PAK5: variants seen among roughly 807,000 people sequenced by gnomAD.
PAK5 encodes p21 (RAC1) activated kinase 5.
Under a neutral mutation model 65.9 loss-of-function variants are expected in PAK5, and 16 were observed. The observed-to-expected ratio is 0.24, with a 90% CI of 0.16 to 0.37. The LOEUF (loss-of-function observed/expected upper bound fraction) is 0.37. Ranked by LOEUF, PAK5 falls within the 10% of genes least tolerant of loss-of-function variation. The pLI, the probability that PAK5 is intolerant of heterozygous loss-of-function variation, is 1.00. For synonymous variants in PAK5, 371 were observed against 354.9 expected, an observed-to-expected ratio of 1.05 and a Z score of -0.51; for missense variants, 785 against 903.9, an observed-to-expected ratio of 0.87 and a Z score of 1.69.
chr20:9,779,351 A>AGT (rs2048917676), intron 1 of PAK5, among the ~76,000 whole-genome samples: 1 of 103,436 alleles, frequency 9.7e-6, no homozygotes, highest in African/African-American at 4.2e-5. Flanking sequence ...ACATTTGTCT[A>AGT]ATATATATAT....
At chr20:9,676,203 G>A (rs6118697) in intron 2 of PAK5, among the ~76,000 whole-genome samples, 28,522 of 151,734 alleles carry the variant, frequency 0.19, 2,923 homozygotes, top group East Asian at 0.36. Context: ...AACAGCACGG[G>A]AAGGACCTGC....
At chr20:9,667,668 T>C (rs1386440890) in intron 2 of PAK5, among the ~76,000 whole-genome samples, 1 of 152,190 alleles carries the variant, frequency 6.6e-6, no homozygotes, top group Non-Finnish European at 1.5e-5. Flanking sequence ...CCTGACCCAC[T>C]GAATCATGAG....
chr20:9,618,156 A>G (rs958146644), intron 3 of PAK5, among the ~76,000 whole-genome samples: 1 of 152,194 alleles, frequency 6.6e-6, no homozygotes, highest in African/African-American at 2.4e-5. Context: ...TCCAAGGAAC[A>G]TACAGCGCTG....
At chr20:9,746,320 C>T (rs1355460956) in intron 1 of PAK5, among the ~76,000 whole-genome samples, 1 of 152,164 alleles carries the variant, frequency 6.6e-6, no homozygotes, top group Non-Finnish European at 1.5e-5. Flanking sequence ...TACATCCCTG[C>T]CCAGGCTTTC....
intron 2 of PAK5, among the ~76,000 whole-genome samples, chr20:9,656,374 G>A (rs1232807908): frequency 6.6e-6 from 1 of 152,094 alleles, no homozygotes; most frequent in Admixed American, 6.6e-5. Flanking sequence ...AGCAGCATGT[G>A]ACAGGAATGC....
intron 1 of PAK5, among the ~76,000 whole-genome samples, chr20:9,758,637 A>G (rs1448397339): frequency 1.3e-5 from 2 of 152,138 alleles, no homozygotes; most frequent in East Asian, 3.9e-4. Flanking sequence ...TGGCCATGGT[A>G]TTTAGATTTT....
intron 2 of PAK5, 147 bp from the exon 3 acceptor site, chr20:9,644,486 G>A (rs1600189702): frequency 8.2e-6 from 5 of 610,314 alleles, no homozygotes; most frequent in Admixed American, 3.3e-5. Context: ...GAGTTTTCAG[G>A]GTGTGTAAAT....
intron 1 of PAK5, among the ~76,000 whole-genome samples, chr20:9,755,270 G>T (rs530772894): frequency 6.6e-6 from 1 of 152,308 alleles, no homozygotes; most frequent in Non-Finnish European, 1.5e-5. Context: ...AAGTGCCATT[G>T]CTTCAAGTTA....
At chr20:9,810,504 A>C (rs2423475) in intron 1 of PAK5, among the ~76,000 whole-genome samples, 97,085 of 152,034 alleles carry the variant, frequency 0.64, 31,502 homozygotes, top group African/African-American at 0.74. Flanking sequence ...CGTGATCACA[A>C]CACTGCACTC....
intron 3 of PAK5, among the ~76,000 whole-genome samples, chr20:9,630,922 T>A (rs2046912934): frequency 6.6e-6 from 1 of 152,168 alleles, no homozygotes; most frequent in Non-Finnish European, 1.5e-5. Context: ...CCATTACATG[T>A]TGGACAGGCT....
At chr20:9,764,971 T>C (rs1416429641) in intron 1 of PAK5, among the ~76,000 whole-genome samples, 1 of 152,190 alleles carries the variant, frequency 6.6e-6, no homozygotes, top group Non-Finnish European at 1.5e-5. Context: ...ACCCAGTACC[T>C]AGCTTTAGGC....
At chr20:9,548,893 A>G (rs751003049) in intron 7 of PAK5, among the ~76,000 whole-genome samples, 1 of 152,196 alleles carries the variant, frequency 6.6e-6, no homozygotes, top group Non-Finnish European at 1.5e-5. Context: ...GATTTGGACC[A>G]GTGGTGGTAC....
intron 1 of PAK5, among the ~76,000 whole-genome samples, chr20:9,726,571 A>G (rs1181796840): frequency 6.6e-6 from 1 of 152,188 alleles, no homozygotes; most frequent in Non-Finnish European, 1.5e-5. Context: ...AATTGAGTAC[A>G]GGGATTTTTT....
At chr20:9,809,327 C>T (rs1173241868) in intron 1 of PAK5, among the ~76,000 whole-genome samples, 3 of 142,284 alleles carry the variant, frequency 2.1e-5, no homozygotes, top group African/African-American at 2.6e-5. Flanking sequence ...TCTGTTGAGG[C>T]AATCCAAATT....
intron 1 of PAK5, among the ~76,000 whole-genome samples, chr20:9,827,838 CTTAT>C (rs1379766240): frequency 6.6e-6 from 1 of 152,018 alleles, no homozygotes; most frequent in African/African-American, 2.4e-5. Flanking sequence ...TATTTATTTA[CTTAT>C]TTATTTAGAG....
At chr20:9,609,301 CTGCAGT>C (rs2046514527) in intron 3 of PAK5, among the ~76,000 whole-genome samples, 1 of 152,208 alleles carries the variant, frequency 6.6e-6, no homozygotes, top group Non-Finnish European at 1.5e-5. Context: ...AAGACATCAC[CTGCAGT>C]TGCAACCCCG....
At chr20:9,763,660 G>A (rs1429625888) in intron 1 of PAK5, among the ~76,000 whole-genome samples, 1 of 152,122 alleles carries the variant, frequency 6.6e-6, no homozygotes, top group Non-Finnish European at 1.5e-5. Context: ...AGTGAATTGA[G>A]TTGCAAAACT....
At chr20:9,823,194 A>G (rs1415908278) in intron 1 of PAK5, among the ~76,000 whole-genome samples, 5 of 152,226 alleles carry the variant, frequency 3.3e-5, no homozygotes, top group Admixed American at 2.0e-4. Context: ...AGGACATAGC[A>G]ACAAGATGCC....
intron 3 of PAK5, among the ~76,000 whole-genome samples, chr20:9,600,803 C>G (rs6086951): frequency 1.3e-5 from 2 of 152,148 alleles, no homozygotes; most frequent in Non-Finnish European, 2.9e-5. Flanking sequence ...CCCTACTCAT[C>G]TGCATGTGGC....
Sources: gnomAD v4.1 joint callset for allele counts (sites outside exome capture counted in the v4.1 genomes callset) on GRCh38, gnomAD v4.1.1 for gene constraint, MANE v1.5 for transcripts, NCBI Gene and HGNC (gene_info 2026-07-23, HGNC 2026-07-21) for gene names.